Variants in MTMR3 observed in about 807,000 individuals in gnomAD.
MTMR3 encodes phosphatidylinositol-3,5-bisphosphate 3-phosphatase MTMR3.
MTMR3 carries 32 observed loss-of-function variants against 132.4 expected under a neutral mutation model. The observed-to-expected ratio is 0.24, with a 90% confidence interval of 0.18 to 0.32. MTMR3 has a LOEUF of 0.32. Among genes scored for constraint, MTMR3 ranks in the 10% least tolerant of loss-of-function variants. The pLI is 1.00. For missense variants in MTMR3, 1,216 were observed against 1,489.6 expected (o/e 0.82, Z 3.02); for synonymous variants, 556 against 550.3 (o/e 1.01, Z -0.14).
intron 1 of MTMR3, among the ~76,000 whole-genome samples, chr22:29,925,278 C>T (rs1185963155): frequency 6.6e-6 from 1 of 152,150 alleles, no homozygotes; most frequent in Non-Finnish European, 1.5e-5. Context: ...AGCAGTCCTC[C>T]TGCCTCAGCC....
At chr22:29,981,484 T>G (rs1393632468) in intron 5 of MTMR3, 1 of 152,212 alleles carries the variant, frequency 6.6e-6, no homozygotes, top group Non-Finnish European at 1.5e-5. Context: ...CTGAAAGTGT[T>G]TTTTTTCTGT....
At chr22:29,936,030 G>A (rs2065744181) in intron 1 of MTMR3, among the ~76,000 whole-genome samples, 2 of 148,856 alleles carry the variant, frequency 1.3e-5, no homozygotes, top group Admixed American at 6.6e-5. Context: ...GGGTTTACAG[G>A]CGTGAGTCAC....
At chr22:29,986,502 G>GT (rs57076001) in intron 5 of MTMR3, 246,274 of 698,176 alleles carry the variant, frequency 0.35, 20,906 homozygotes, top group East Asian at 0.56. Context: ...AGGTTTGTTT[G>GT]TTTTTTTTTT....
chr22:29,917,543 A>G (rs2065332021), intron 1 of MTMR3, among the ~76,000 whole-genome samples: 1 of 152,234 alleles, frequency 6.6e-6, no homozygotes, highest in Admixed American at 6.5e-5. Flanking sequence ...ATACATACCT[A>G]GTATGTTTTC....
rs2065173153 is a variant in MTMR3, at chr22:29,909,829, C to T, written c.-138+26470C>T. On this transcript the variant is annotated intron_variant, in intron 1 of 19. Coordinates refer to ENST00000401950, the MANE Select transcript of MTMR3 (RefSeq NM_021090.4). ...TTAAAAACAGAGTATCATTTTCTTG[C>T]CTCAGATCGAGCTTGAAAGAAATTA... Among the ~76,000 whole-genome samples the T allele has an allele frequency of 1.3e-5, 2 of 152,136 alleles. 1 individual carries two copies. Among genetic ancestry groups the T allele is most frequent in the South Asian group, 4.1e-4 (2 of 4,824 alleles).
chr22:30,007,554 A>G (rs761658428), intron 10 of MTMR3: 43 of 587,044 alleles, frequency 7.3e-5, no homozygotes, highest in Non-Finnish European at 1.2e-4. Flanking sequence ...CATTGTGACA[A>G]AAATGGAGTG....
chr22:29,954,406 G>A (rs1178180288), intron 1 of MTMR3, among the ~76,000 whole-genome samples: 2 of 152,032 alleles, frequency 1.3e-5, no homozygotes, highest in Non-Finnish European at 2.9e-5. Flanking sequence ...GCCCTTATCT[G>A]ACAAATAGTC....
At chr22:29,901,120 A>G (rs2064995778) in intron 1 of MTMR3, among the ~76,000 whole-genome samples, 1 of 152,156 alleles carries the variant, frequency 6.6e-6, no homozygotes, top group South Asian at 2.1e-4. Context: ...TTGAACCAAA[A>G]TTAGGAGAAG....
intron 15 of MTMR3, chr22:30,017,718 C>A: frequency 1.9e-6 from 1 of 517,520 alleles, no homozygotes; most frequent in East Asian, 3.5e-5. Flanking sequence ...TCAAGTGGCT[C>A]TTAGGTGAAA....
chr22:29,897,814 C>A (rs183812716), intron 1 of MTMR3, among the ~76,000 whole-genome samples: 1 of 152,110 alleles, frequency 6.6e-6, no homozygotes. Flanking sequence ...CCTCTTAGAT[C>A]GTATTTTCGT....
chr22:29,925,378 C>T (rs2065495155), intron 1 of MTMR3, among the ~76,000 whole-genome samples: 1 of 152,090 alleles, frequency 6.6e-6, no homozygotes, highest in African/African-American at 2.4e-5. Flanking sequence ...TATGTTCTGT[C>T]TGGATATATT....
At chr22:29,942,423 T>A (rs1379458662) in intron 1 of MTMR3, among the ~76,000 whole-genome samples, 2 of 152,150 alleles carry the variant, frequency 1.3e-5, no homozygotes, top group Non-Finnish European at 2.9e-5. Context: ...AAATTAAAAT[T>A]GCTAATGAAG....
At chr22:29,908,792 C>G (rs2065149572) in intron 1 of MTMR3, among the ~76,000 whole-genome samples, 1 of 152,100 alleles carries the variant, frequency 6.6e-6, no homozygotes, top group Non-Finnish European at 1.5e-5. Flanking sequence ...AAGTGCTAAA[C>G]ATGGTAAAAT....
rs142555782 is a variant in MTMR3, at chr22:30,013,875, C to T, written c.1503+334C>T. ...CTGTCTACCAGACCCCCATGACTGT[C>T]TCAGACTCTGCACCCTCTCCTTTGA... is the stretch of plus-strand genomic sequence containing the variant. On this transcript the variant is annotated intron_variant, in intron 14 of 19. Transcript: ENST00000401950. The T allele has an allele frequency of 5.7e-4, 132 of 229,736 alleles. 1 individual carries two copies. The highest frequency in any genetic ancestry group is 1.8e-3 in the Middle Eastern group (1 of 564). 14.2% of individuals were successfully genotyped at this position (229,736 alleles called of 1,614,324 possible).
At chr22:29,961,116 T>C (rs1314867916) in intron 2 of MTMR3, among the ~76,000 whole-genome samples, 1 of 152,160 alleles carries the variant, frequency 6.6e-6, no homozygotes, top group Non-Finnish European at 1.5e-5. Context: ...TTGATAAATA[T>C]GTGTTGTGTT....
At chr22:30,006,120 T>C (rs1426427419) in intron 9 of MTMR3, 1 of 152,236 alleles carries the variant, frequency 6.6e-6, no homozygotes, top group African/African-American at 2.4e-5. Context: ...AGAACTTTAT[T>C]CCTCTTTACT....
chr22:29,899,187 C>T (rs2064959741), intron 1 of MTMR3, among the ~76,000 whole-genome samples: 1 of 152,110 alleles, frequency 6.6e-6, no homozygotes, highest in South Asian at 2.1e-4. Context: ...GACACTTAGG[C>T]TATTTAATCA....
At chr22:29,942,262 A>G (rs765769601) in intron 1 of MTMR3, among the ~76,000 whole-genome samples, 3 of 152,180 alleles carry the variant, frequency 2.0e-5, no homozygotes, top group Non-Finnish European at 4.4e-5. Context: ...CAAAACCAGC[A>G]AGTTTTTATT....
At chr22:29,970,847 C>G (rs1317088739) in intron 2 of MTMR3, 129 bp from the exon 3 acceptor site, 1 of 417,378 alleles carries the variant, frequency 2.4e-6, no homozygotes, top group Non-Finnish European at 4.2e-6. Flanking sequence ...TGACTCTGAT[C>G]AGCTTCTTAG....
Sources: allele counts gnomAD v4.1 joint callset (sites outside exome capture counted in the v4.1 genomes callset), GRCh38; gene constraint gnomAD v4.1.1; transcripts MANE v1.5; gene names NCBI Gene and HGNC (gene_info 2026-07-23, HGNC 2026-07-21).